Variants in CSF1R observed in about 807,000 individuals in gnomAD.
CSF1R encodes the protein colony stimulating factor 1 receptor, also known as macrophage colony-stimulating factor 1 receptor.
A neutral mutation model predicts 110.0 loss-of-function variants in CSF1R; 40 were observed. The observed-to-expected ratio is 0.36, with a 90% CI of 0.28 to 0.47. CSF1R has a LOEUF of 0.47. Ranked by LOEUF, CSF1R falls within the 20% of genes least tolerant of loss-of-function variation. CSF1R has a pLI of 0.99. For missense variants in CSF1R, 1,052 were observed against 1,253.0 expected, an observed-to-expected ratio of 0.84 and a Z score of 2.42; for synonymous variants, 523 against 503.4, an observed-to-expected ratio of 1.04 and a Z score of -0.52.
At chr5:150,107,915 C>A (rs1227822143) in intron 1 of CSF1R, among the ~76,000 whole-genome samples, 2 of 152,224 alleles carry the variant, frequency 1.3e-5, no homozygotes, top group African/African-American at 2.4e-5. Flanking sequence ...AACAGGTCAG[C>A]TGTGGTCCCT....
At chr5:150,110,245 A>G (rs1759677778) in intron 1 of CSF1R, among the ~76,000 whole-genome samples, 1 of 152,182 alleles carries the variant, frequency 6.6e-6, no homozygotes, top group African/African-American at 2.4e-5. Context: ...TATGCGGTCC[A>G]ACCCTAGCCA....
intron 1 of CSF1R, among the ~76,000 whole-genome samples, chr5:150,098,089 T>C (rs1390591739): frequency 6.6e-6 from 1 of 152,164 alleles, no homozygotes; most frequent in Non-Finnish European, 1.5e-5. Flanking sequence ...ACTGCACATA[T>C]GTGGCCAATT....
At chr5:150,061,957 G>A in intron 10 of CSF1R, 108 bp from the exon 11 acceptor site, 1 of 1,510,772 alleles carries the variant, frequency 6.6e-7, no homozygotes, top group Non-Finnish European at 9.0e-7. Context: ...GGCGCCCAGT[G>A]GGAGAAGGCA....
chr5:150,071,268 T>C (rs960741728), intron 6 of CSF1R, among the ~76,000 whole-genome samples: 6 of 152,234 alleles, frequency 3.9e-5, no homozygotes, highest in Admixed American at 3.9e-4. Context: ...TGGCTGATTC[T>C]GGGAAATTTT....
At chr5:150,055,940 C>T (rs1316177540) in intron 18 of CSF1R, 86 bp downstream of exon 18, 2 of 1,246,976 alleles carry the variant, frequency 1.6e-6, no homozygotes, top group Non-Finnish European at 1.1e-6. Flanking sequence ...CTCGCTGTGT[C>T]CTGGGCACCA....
At chr5:150,070,336 T>A in intron 7 of CSF1R, 34 bp from the exon 8 acceptor site, 1 of 1,607,034 alleles carries the variant, frequency 6.2e-7, no homozygotes, top group South Asian at 1.1e-5. Context: ...CAAGTCACAC[T>A]TTCCCCGCCA....
intron 6 of CSF1R, among the ~76,000 whole-genome samples, chr5:150,072,099 AAC>A (rs1335166220): frequency 1.3e-5 from 2 of 152,212 alleles, no homozygotes; most frequent in African/African-American, 4.8e-5. Context: ...CACTCTGCAG[AAC>A]AGAGTTGCAG....
chr5:150,061,834 C>T lies in CSF1R; in HGVS notation c.1642G>A (p.Val548Ile), dbSNP rs371219353. ...TAGCTCTCGATGATCTTCCAGCGGACCTGGTACTTGGGCTTCTGCAGAAGA... is the reference window on the plus strand; with the variant it reads ...TAGCTCTCGATGATCTTCCAGCGGATCTGGTACTTGGGCTTCTGCAGAAGA... ...YKYKQKPKYQVRWKIIESYEG... is the reference protein window; with the variant it reads ...YKYKQKPKYQIRWKIIESYEG... The change falls in exon 11 of 21, where the codon GTC (valine) becomes ATC (isoleucine). Residue 548 changes from valine (V) to isoleucine (I), a missense_variant. Physicochemically the swap from Val to Ile is conservative, Grantham distance 29 (BLOSUM62 3). Transcript: ENST00000675795. 1.2e-6 allele frequency: 2 copies of T among 1,614,036 alleles called. No individual in the cohort carries two copies. The highest frequency in any genetic ancestry group is 2.7e-5 in the African/African-American group (2 of 74,918).
upstream of CSF1R, among the ~76,000 whole-genome samples, chr5:150,086,839 T>A (rs146280962): frequency 3.3e-4 from 50 of 152,126 alleles, no homozygotes; most frequent in South Asian, 2.1e-4. Context: ...TTCAGAGTGA[T>A]CAGGTGGCTC....
At chr5:150,058,328 C>A (rs538405845) in intron 14 of CSF1R, 18 of 456,296 alleles carry the variant, frequency 3.9e-5, no homozygotes, top group African/African-American at 3.6e-4. Flanking sequence ...GACTGAAGCA[C>A]TACTGCTCCT....
At chr5:150,094,848 G>A (rs1293349095) in intron 1 of CSF1R, 7 of 1,234,990 alleles carry the variant, frequency 5.7e-6, no homozygotes, top group Non-Finnish European at 8.0e-6. Flanking sequence ...TGGTAAATAC[G>A]GCATCATCTG....
At chr5:150,069,846 G>A (rs370371167) in intron 9 of CSF1R, 27 bp downstream of exon 9, 38 of 1,552,742 alleles carry the variant, frequency 2.4e-5, no homozygotes, top group Non-Finnish European at 2.9e-5. Context: ...GCGGGGGGGC[G>A]GTGCGGGTGC....
chr5:150,078,236 G>A lies in CSF1R; in HGVS notation c.605C>T (p.Pro202Leu), dbSNP rs2113827000. 1 of 1,614,062 alleles carries A rather than the reference G, an allele frequency of 6.2e-7. No individual in the cohort carries two copies. The highest frequency in any genetic ancestry group is 1.7e-5 in the Admixed American group (1 of 60,006). The change falls in exon 4 of 21, where the codon CCC becomes CTC. Residue 202 changes from proline (P) to leucine (L), a missense_variant. By Grantham distance (98) the Pro-to-Leu change is moderately conservative (BLOSUM62 -3). Transcript: ENST00000675795. The part of the protein sequence containing the change: ...RLKVQKVIPG[P>L]PALTLVPAEL... ...TGCAGGCACCAGTGTCAAGGCTGGG[G>A]GCCCTGGGATGACTGAGACCGGGGG...
Position 150,053,981 on chromosome 5 carries a change from G to T in CSF1R, c.*88C>A. On this transcript the variant is annotated 3_prime_UTR_variant, in exon 21 of 21. Coordinates refer to ENST00000675795, the MANE Select transcript of CSF1R (RefSeq NM_001288705.3). ...CTGTTGAGTGAAATGACCGAAGGCA[G>T]AGTTTGTATGTTCTCCCCGTGTCGC... 1 of 1,339,240 alleles carries T rather than the reference G, an allele frequency of 7.5e-7. No homozygotes were observed. 83.0% of individuals were successfully genotyped at this position (1,339,240 alleles called of 1,614,324 possible). A position where few individuals can be genotyped will look rare whatever the true frequency, so the allele number is the denominator to read the frequency against.
upstream of CSF1R, among the ~76,000 whole-genome samples, chr5:150,088,627 G>A (rs545150497): frequency 1.0e-3 from 155 of 151,682 alleles, no homozygotes; most frequent in Admixed American, 1.4e-3. Context: ...TCTGCCTCCC[G>A]CGTTCAAGCT....
intron 10 of CSF1R, among the ~76,000 whole-genome samples, chr5:150,062,261 A>T (rs914137209): frequency 1.4e-5 from 2 of 147,664 alleles, no homozygotes; most frequent in Non-Finnish European, 3.0e-5. Flanking sequence ...ATATATATAT[A>T]TTTTAATTGT....
At chr5:150,111,222 A>G (rs1277100857) in intron 1 of CSF1R, among the ~76,000 whole-genome samples, 1 of 152,208 alleles carries the variant, frequency 6.6e-6, no homozygotes, top group Non-Finnish European at 1.5e-5. Context: ...GGGCCCCGGC[A>G]GAAATAGCTC....
At chr5:150,109,060 C>T (rs1283327705) in intron 1 of CSF1R, among the ~76,000 whole-genome samples, 1 of 15,530 alleles carries the variant, frequency 6.4e-5, no homozygotes, top group African/African-American at 1.5e-4. Context: ...AGAAGCCCGC[C>T]CCCCCCCCAC....
intron 1 of CSF1R, among the ~76,000 whole-genome samples, chr5:150,106,220 T>C (rs573139736): frequency 6.6e-6 from 1 of 152,336 alleles, no homozygotes; most frequent in South Asian, 2.1e-4. Flanking sequence ...GAATCCCAGA[T>C]TGACATTACC....
Sources: gnomAD v4.1 joint callset for allele counts (sites outside exome capture counted in the v4.1 genomes callset) on GRCh38, gnomAD v4.1.1 for gene constraint, MANE v1.5 for transcripts, NCBI Gene and HGNC (gene_info 2026-07-23, HGNC 2026-07-21) for gene names.